The following DENND2B variants were observed in gnomAD, a reference collection of about 807,000 sequenced individuals.
DENND2B encodes DENN domain-containing protein 2B.
DENND2B carries 32 observed loss-of-function variants against 116.0 expected under a neutral mutation model. That is an observed-to-expected ratio of 0.28 (90% confidence interval 0.21 to 0.37). The LOEUF is 0.37. Ranked by LOEUF, DENND2B falls within the 10% of genes least tolerant of loss-of-function variation. The pLI, the probability that DENND2B is intolerant of heterozygous loss-of-function variation, is 1.00. For synonymous variants in DENND2B, 588 were observed against 583.9 expected (o/e 1.01, Z -0.10); for missense variants, 1,276 against 1,477.7 (o/e 0.86, Z 2.24).
chr11:8,748,538 CA>C (rs1211233293), intron 2 of DENND2B, among the ~76,000 whole-genome samples: 1 of 151,838 alleles, frequency 6.6e-6, no homozygotes, highest in African/African-American at 2.4e-5. Flanking sequence ...ACCTACACCC[CA>C]GGGGTAGTCT....
chr11:8,723,328 G>GAA, intron 4 of DENND2B, among the ~76,000 whole-genome samples: 1 of 152,194 alleles, frequency 6.6e-6, no homozygotes, highest in South Asian at 2.1e-4. Context: ...AATAATTTGA[G>GAA]AAAGGGACGG....
At chr11:8,715,410 T>G in intron 6 of DENND2B, 193 bp downstream of exon 6, 1 of 607,830 alleles carries the variant, frequency 1.6e-6, no homozygotes, top group Non-Finnish European at 2.9e-6. Flanking sequence ...GGTCAGTTAA[T>G]GCATCTTTAT....
chr11:8,788,892 T>A (rs1235305139), intron 1 of DENND2B, among the ~76,000 whole-genome samples: 4 of 152,214 alleles, frequency 2.6e-5, no homozygotes, highest in Admixed American at 2.6e-4. Context: ...CTAGAGTATA[T>A]CAGCCACCTC....
chr11:8,872,864 T>C (rs2063804180), upstream of DENND2B, among the ~76,000 whole-genome samples: 1 of 152,248 alleles, frequency 6.6e-6, no homozygotes, highest in Non-Finnish European at 1.5e-5. Flanking sequence ...TTTACTTTAA[T>C]CAGAACAAGT....
chr11:8,718,415 GC>G (rs760227294), intron 4 of DENND2B: 109 of 1,529,280 alleles, frequency 7.1e-5, no homozygotes, highest in South Asian at 4.3e-4. Flanking sequence ...GCTTCGCCAG[GC>G]CCCCTTCTCA....
chr11:8,734,850 G>C (rs2048728534), intron 2 of DENND2B, among the ~76,000 whole-genome samples: 1 of 149,710 alleles, frequency 6.7e-6, no homozygotes, highest in Non-Finnish European at 1.5e-5. Context: ...GTGAGAAATA[G>C]TACCTGTCGC....
chr11:8,878,382 T>C (rs2063866638), intron 2 of DENND2B, among the ~76,000 whole-genome samples: 1 of 152,156 alleles, frequency 6.6e-6, no homozygotes, highest in Admixed American at 6.5e-5. Flanking sequence ...CCATCAACAA[T>C]TGAATGAATT....
At chr11:8,731,890 T>G (rs2133935001) in intron 2 of DENND2B, among the ~76,000 whole-genome samples, 1 of 152,232 alleles carries the variant, frequency 6.6e-6, no homozygotes, top group East Asian at 1.9e-4. Flanking sequence ...TGGTGCAAGG[T>G]GGTTCTTGAA....
At chr11:8,781,637 CACACAT>C (rs1451515316) in intron 1 of DENND2B, among the ~76,000 whole-genome samples, 1 of 149,510 alleles carries the variant, frequency 6.7e-6, no homozygotes, top group African/African-American at 2.6e-5. Context: ...CACACACACA[CACACAT>C]AACCTCACAA....
At chr11:8,881,708 T>A (rs1054728322) in intron 1 of DENND2B, among the ~76,000 whole-genome samples, 1 of 152,160 alleles carries the variant, frequency 6.6e-6, no homozygotes. Context: ...GGCTGGCTAC[T>A]TTTTGTATTT....
At position 8,740,751 on chromosome 11, in the gene DENND2B, G is replaced by A. The variant is rs182511915; in HGVS notation, c.81-9542C>T. On this transcript the variant is annotated intron_variant, in intron 2 of 19. Coordinates refer to ENST00000313726, the MANE Select transcript of DENND2B (RefSeq NM_213618.2). ...AAATGAAACTGCCTGGAAGGTGGCC[G>A]GCCATTCAGCATTCTCGGGCTTCTC... 7.2e-5 allele frequency among the ~76,000 whole-genome samples: 11 copies of A among 152,180 alleles called. No individual in the cohort carries two copies. In the East Asian group the frequency reaches 1.7e-3, roughly 24 times the overall value.
chr11:8,703,715 A>G (rs1441754418), intron 13 of DENND2B: 1 of 152,214 alleles, frequency 6.6e-6, no homozygotes, highest in Non-Finnish European at 1.5e-5. Flanking sequence ...CTCAGAGTCT[A>G]AGCAAATGAA....
chr11:8,905,574 A>G (rs2064225115), intron 1 of DENND2B, among the ~76,000 whole-genome samples: 1 of 152,204 alleles, frequency 6.6e-6, no homozygotes, highest in Non-Finnish European at 1.5e-5. Flanking sequence ...AAAACTTTAA[A>G]TGTTAGTACT....
At chr11:8,774,304 C>T (rs891026568) in intron 1 of DENND2B, 13 of 985,294 alleles carry the variant, frequency 1.3e-5, no homozygotes, top group African/African-American at 1.7e-5. Flanking sequence ...CAGTAATCAC[C>T]TGAAAGGCTG....
Position 8,731,002 on chromosome 11 carries a change from G to C in DENND2B, c.288C>G (p.Thr96=). 1.2e-6 allele frequency: 2 copies of C among 1,614,200 alleles called. No individual in the cohort carries two copies. Among genetic ancestry groups the C allele is most frequent in the Middle Eastern group, 1.6e-4 (1 of 6,062 alleles). ...TTCTGTCCAAATAACCGAAGCTGGC[G>C]GTCTTGAAGGGACAGGTGGGTGGGG... ...DTSPPTCPFK[T]ASFGYLDRSP... Residue 96 remains threonine (T), a synonymous_variant, in exon 3 of 20, where the codon ACC becomes ACG. Coordinates refer to ENST00000313726, the MANE Select transcript of DENND2B (RefSeq NM_213618.2).
At chr11:8,726,386 C>G in intron 3 of DENND2B, 177 bp from the exon 4 acceptor site, 1 of 775,544 alleles carries the variant, frequency 1.3e-6, no homozygotes, top group Admixed American at 3.3e-5. Flanking sequence ...GTCTGAAAGG[C>G]CCCAGCCTGG....
At chr11:8,890,793 T>G (rs187143630) in intron 1 of DENND2B, among the ~76,000 whole-genome samples, 4 of 152,168 alleles carry the variant, frequency 2.6e-5, no homozygotes, top group Admixed American at 2.0e-4. Flanking sequence ...ACAGGGAGAA[T>G]GGAACCAAGT....
At chr11:8,889,212 T>C (rs1256660788) in intron 1 of DENND2B, among the ~76,000 whole-genome samples, 1 of 152,244 alleles carries the variant, frequency 6.6e-6, no homozygotes, top group Non-Finnish European at 1.5e-5. Context: ...TAAGCAAATG[T>C]GGTATGTGCA....
chr11:8,887,693 T>C (rs766270485), intron 1 of DENND2B, among the ~76,000 whole-genome samples: 6 of 152,172 alleles, frequency 3.9e-5, no homozygotes, highest in Non-Finnish European at 7.3e-5. Context: ...CCCACATACC[T>C]TATGCCCAGT....
Sources: gnomAD v4.1 joint callset for allele counts (sites outside exome capture counted in the v4.1 genomes callset) on GRCh38, gnomAD v4.1.1 for gene constraint, MANE v1.5 for transcripts, NCBI Gene and HGNC (gene_info 2026-07-23, HGNC 2026-07-21) for gene names.